The following MED1 variants were observed in gnomAD, a reference collection of about 807,000 sequenced individuals.
The protein encoded by MED1 is mediator complex subunit 1.
MED1 carries 17 observed loss-of-function variants against 121.3 expected under a neutral mutation model. That is an observed-to-expected ratio of 0.14 (90% CI 0.10 to 0.21). The LOEUF is 0.21. Ranked by LOEUF, MED1 falls within the 10% of genes least tolerant of loss-of-function variation. The pLI, the probability that MED1 is intolerant of heterozygous loss-of-function variation, is 1.00. For synonymous variants in MED1, 661 were observed against 694.4 expected, an observed-to-expected ratio of 0.95 and a Z score of 0.76; for missense variants, 1,558 against 1,919.4, an observed-to-expected ratio of 0.81 and a Z score of 3.52.
intron 10 of MED1, among the ~76,000 whole-genome samples, chr17:39,425,903 A>C (rs2144742522): frequency 1.3e-5 from 2 of 152,234 alleles, no homozygotes; most frequent in East Asian, 3.9e-4. Context: ...CAGTCCAAAA[A>C]CATCATTTTT....
chr17:39,407,428 AAT>A lies in MED1; in HGVS notation c.*45_*46del, dbSNP rs1481256482. 45 of 1,545,554 alleles carry A rather than the reference AAT, an allele frequency of 2.9e-5. No individual in the cohort carries two copies. The highest frequency in any genetic ancestry group is 3.5e-5 in the Non-Finnish European group (40 of 1,150,254). ...ATGGTGGTTTGCCTATAAACTTATC[AAT>A]AGTTTTTTTTCCTCTGGCCCTGTTT... On this transcript the variant is annotated 3_prime_UTR_variant, in exon 17 of 17. Coordinates refer to ENST00000300651, the MANE Select transcript of MED1 (RefSeq NM_004774.4).
intron 6 of MED1, among the ~76,000 whole-genome samples, chr17:39,435,856 C>G (rs1234314529): frequency 1.3e-5 from 2 of 152,038 alleles, no homozygotes; most frequent in Non-Finnish European, 2.9e-5. Context: ...CGAGCACCAC[C>G]ACACCCGGCT....
At chr17:39,424,451 C>G (rs59869016) in intron 11 of MED1, among the ~76,000 whole-genome samples, 176 bp downstream of exon 11, 2 of 151,996 alleles carry the variant, frequency 1.3e-5, no homozygotes, top group Admixed American at 6.6e-5. Context: ...ATGTGTTCTA[C>G]GAGCCGACTT....
chr17:39,405,590 G>T lies in MED1; in HGVS notation c.*1885C>A, dbSNP rs2144707782. On this transcript the variant is annotated 3_prime_UTR_variant, in exon 17 of 17. Coordinates refer to ENST00000300651, the MANE Select transcript of MED1 (RefSeq NM_004774.4). ...CAACATCACAAGATAAAGCACTCTGGTATCACCTGCCCATATCCTCCTTAG... is the reference window on the plus strand; with the variant it reads ...CAACATCACAAGATAAAGCACTCTGTTATCACCTGCCCATATCCTCCTTAG... The T allele has an allele frequency of 8.1e-7, 1 of 1,230,618 alleles. No homozygotes were observed. Among genetic ancestry groups the T allele is most frequent in the Non-Finnish European group, 1.0e-6 (1 of 979,924 alleles). The allele number at this position is 1,230,618 out of a possible 1,614,324, so 76.2% of individuals were successfully genotyped here.
chr17:39,450,770 T>G (rs2144782331), intron 1 of MED1, among the ~76,000 whole-genome samples: 1 of 152,310 alleles, frequency 6.6e-6, no homozygotes, highest in South Asian at 2.1e-4. Flanking sequence ...GATTTTGTAT[T>G]CATTTGCCCC....
At chr17:39,447,976 A>G (rs2048744401) in intron 1 of MED1, 72 bp from the exon 2 acceptor site, 2 of 967,538 alleles carry the variant, frequency 2.1e-6, no homozygotes, top group African/African-American at 3.3e-5. Context: ...CTTGCAAAAT[A>G]AATTCCCACA....
Position 39,408,885 on chromosome 17 carries a change from C to T in MED1, c.3336G>A (p.Gly1112=). 6.2e-7 allele frequency: 1 copy of T among 1,614,080 alleles called. No homozygotes were observed. Among genetic ancestry groups the T allele is most frequent in the Non-Finnish European group, 8.5e-7 (1 of 1,180,032 alleles). ...SSSSSSASTS[G]KMKSSKSEGS... Reference sequence around the variant, plus strand: ...CTTCTGATTTACTGCTTTTCATCTTCCCTGAGGTGGAAGCAGATGAGGAAG... The same window carrying T: ...CTTCTGATTTACTGCTTTTCATCTTTCCTGAGGTGGAAGCAGATGAGGAAG... Residue 1112 remains glycine (G), a synonymous_variant, in exon 17 of 17, where the codon GGG becomes GGA. Coordinates refer to ENST00000300651, the MANE Select transcript of MED1 (RefSeq NM_004774.4). The surrounding 1 kb of genome is among the most constrained non-coding windows in gnomAD (Gnocchi z 4.7).
chr17:39,449,536 G>C (rs1465835304), intron 1 of MED1, among the ~76,000 whole-genome samples: 1 of 142,598 alleles, frequency 7.0e-6, no homozygotes, highest in Admixed American at 7.2e-5. Context: ...TTTTGAGACG[G>C]AGTTTTGCTC....
Position 39,407,721 on chromosome 17 carries a change from G to A in MED1, c.4500C>T (p.His1500=). 1 of 1,613,830 alleles carries A rather than the reference G, an allele frequency of 6.2e-7. No individual in the cohort carries two copies. The highest frequency in any genetic ancestry group is 8.5e-7 in the Non-Finnish European group (1 of 1,179,952). Residue 1500 remains histidine, a synonymous_variant, in exon 17 of 17, where the codon CAC becomes CAT. Transcript: ENST00000300651. ...PEYSTEKHKK[H]KKEKKKVKDK... ...CTTTTACTTTCTTCTTTTCCTTTTTGTGCTTCTTATGTTTCTCTGTGCTGT... is the reference window on the plus strand; with the variant it reads ...CTTTTACTTTCTTCTTTTCCTTTTTATGCTTCTTATGTTTCTCTGTGCTGT...
rs2048304182 is a variant in MED1, at chr17:39,406,430, T to G, written c.*1045A>C. 1.0e-6 allele frequency: 1 copy of G among 985,312 alleles called. No individual in the cohort carries two copies. The highest frequency in any genetic ancestry group is 1.2e-6 in the Non-Finnish European group (1 of 829,940). The allele number at this position is 985,312 out of a possible 1,614,324, so 61.0% of individuals were successfully genotyped here. A position where few individuals can be genotyped will look rare whatever the true frequency, so the allele number is the denominator to read the frequency against. Reference sequence around the variant, plus strand: ...AACAAAATGCTGGGATGCAGACTTTTGGCACATTGTGGAAGTAGGAGAACT... The same window carrying G: ...AACAAAATGCTGGGATGCAGACTTTGGGCACATTGTGGAAGTAGGAGAACT... On this transcript the variant is annotated 3_prime_UTR_variant, in exon 17 of 17. Coordinates refer to ENST00000300651, the MANE Select transcript of MED1 (RefSeq NM_004774.4).
chr17:39,422,649 T>G (rs900470673), intron 13 of MED1, among the ~76,000 whole-genome samples: 6 of 151,170 alleles, frequency 4.0e-5, no homozygotes, highest in Non-Finnish European at 8.8e-5. Flanking sequence ...CTAATTTTTA[T>G]ATTTTTAGTA....
intron 1 of MED1, among the ~76,000 whole-genome samples, chr17:39,448,331 T>C (rs1028759929): frequency 2.0e-5 from 3 of 150,578 alleles, no homozygotes; most frequent in South Asian, 4.2e-4. Context: ...GATCACACTA[T>C]TGCACTCCAG....
rs902183220 is a variant in MED1, at chr17:39,406,031, A to G, written c.*1444T>C. ...GGTGTCAATATCAAAGTAAGGCCGC[A>G]GAATTTTTGAGAGGACCCTCCAAAT... On this transcript the variant is annotated 3_prime_UTR_variant, in exon 17 of 17. Transcript: ENST00000300651. 11 of 985,392 alleles carry G rather than the reference A, an allele frequency of 1.1e-5. No individual in the cohort carries two copies. In the African/African-American group the frequency reaches 1.7e-4, roughly 16 times the overall value. The allele number at this position is 985,392 out of a possible 1,614,324, so 61.0% of individuals were successfully genotyped here.
intron 11 of MED1, 107 bp downstream of exon 11, chr17:39,424,520 G>T: frequency 1.4e-6 from 1 of 699,698 alleles, no homozygotes; most frequent in Non-Finnish European, 2.4e-6. Context: ...TAAAACAAAA[G>T]GCCAACCTCT....
rs1399862713 is a variant in MED1, at chr17:39,410,015, G to A, written c.2206C>T (p.Pro736Ser). The change falls in exon 17 of 17, where the codon CCA (proline) becomes TCA (serine). Residue 736 changes from proline (P) to serine (S), a missense_variant. Transcript: ENST00000300651. ...VNMTADTLDT[P>S]HITPAPSQCS... ...TGGCTTGGAGCTGGAGTGATGTGTG[G>A]CGTATCCAGCGTGTCAGCTGTCATG... 6.2e-7 allele frequency: 1 copy of A among 1,614,020 alleles called. No individual in the cohort carries two copies. Among genetic ancestry groups the A allele is most frequent in the East Asian group, 2.2e-5 (1 of 44,900 alleles).
intron 1 of MED1, among the ~76,000 whole-genome samples, chr17:39,450,325 A>C (rs2144781721): frequency 6.6e-6 from 1 of 152,308 alleles, no homozygotes; most frequent in East Asian, 1.9e-4. Flanking sequence ...CTGTACTTCG[A>C]TGCTCCAACA....
chr17:39,419,633 T>A (rs2048442743), intron 14 of MED1, 84 bp downstream of exon 14: 1 of 1,375,798 alleles, frequency 7.3e-7, no homozygotes, highest in South Asian at 1.2e-5. Flanking sequence ...GTTCTACAGG[T>A]GATTCTGATG....
chr17:39,431,315 T>C, intron 8 of MED1, 127 bp from the exon 9 acceptor site: 1 of 723,910 alleles, frequency 1.4e-6, no homozygotes. Flanking sequence ...TTCGCTCTTG[T>C]CGCCCAGGCT....
chr17:39,408,758 A>G lies in MED1; in HGVS notation c.3463T>C (p.Ser1155Pro). The change falls in exon 17 of 17, where the codon TCC becomes CCC. Residue 1155 changes from serine (S) to proline (P), a missense_variant. Ser to Pro is a moderately conservative substitution (Grantham distance 74). Around this residue, in one of 5 missense-constraint regions of MED1, gnomAD observed 793 missense variants for 898.2 expected, o/e 0.88. Transcript: ENST00000300651. The surrounding 1 kb of genome is among the most constrained non-coding windows in gnomAD (Gnocchi z 4.7). Reference protein sequence around the residue: ...NSSQSGGKPGSSPITKHGLSS... With the variant: ...NSSQSGGKPGPSPITKHGLSS... ...AGTCCATGCTTGGTTATGGGAGAGG[A>G]GCCTGGCTTCCCCCCAGACTGGGAT... 1 of 1,614,134 alleles carries G rather than the reference A, an allele frequency of 6.2e-7. No homozygotes were observed. The highest frequency in any genetic ancestry group is 2.2e-5 in the East Asian group (1 of 44,882).
Sources: allele counts gnomAD v4.1 joint callset (sites outside exome capture counted in the v4.1 genomes callset), GRCh38; gene constraint gnomAD v4.1.1; regional missense constraint gnomAD v4.1.1; non-coding constraint Gnocchi (gnomAD v3.1); transcripts MANE v1.5; gene names NCBI Gene and HGNC (gene_info 2026-07-23, HGNC 2026-07-21).